Variants in ROBO1 observed in about 807,000 individuals in gnomAD.
The protein encoded by ROBO1 is roundabout homolog 1.
In ROBO1, 149 loss-of-function variants were observed where a neutral mutation model predicts 195.9. That is an observed-to-expected ratio of 0.76 (90% confidence interval 0.67 to 0.87). The LOEUF is 0.87. Ranked by LOEUF, ROBO1 falls within the 40% of genes least tolerant of loss-of-function variation. ROBO1 has a pLI of 0.00. For missense variants in ROBO1, 1,933 were observed against 2,068.3 expected (o/e 0.93, Z 1.27); for synonymous variants, 816 against 733.2 (o/e 1.11, Z -1.82).
At chr3:79,397,173 G>A (rs1163593413) in intron 2 of ROBO1, among the ~76,000 whole-genome samples, 1 of 151,300 alleles carries the variant, frequency 6.6e-6, no homozygotes, top group East Asian at 1.9e-4. Flanking sequence ...ACTTTAAAAA[G>A]TGTTTTGGAA....
chr3:79,620,158 C>T (rs539361242), intron 1 of ROBO1, among the ~76,000 whole-genome samples: 21 of 152,308 alleles, frequency 1.4e-4, no homozygotes, highest in African/African-American at 3.6e-4. Context: ...AGCTGTGTCC[C>T]GTCTGTGCGG....
At chr3:79,584,895 C>A (rs184164580) in intron 2 of ROBO1, among the ~76,000 whole-genome samples, 1 of 151,736 alleles carries the variant, frequency 6.6e-6, no homozygotes, top group East Asian at 2.0e-4. Context: ...AGAACACCCA[C>A]CTGACAGCTT....
intron 5 of ROBO1, among the ~76,000 whole-genome samples, chr3:78,745,029 G>C (rs1005234286): frequency 2.6e-4 from 40 of 152,112 alleles, no homozygotes; most frequent in Non-Finnish European, 4.9e-4. Context: ...AATTTTGTTG[G>C]CCGGGCGTGG....
chr3:78,913,098 C>T (rs1000087559), intron 4 of ROBO1, among the ~76,000 whole-genome samples: 1 of 152,080 alleles, frequency 6.6e-6, no homozygotes. Flanking sequence ...TATATCAGTT[C>T]TTTGACTAAC....
chr3:79,289,001 C>T (rs1245870061), intron 2 of ROBO1, among the ~76,000 whole-genome samples: 1 of 151,860 alleles, frequency 6.6e-6, no homozygotes, highest in Admixed American at 6.6e-5. Context: ...AACAACATGT[C>T]TTTCAATGAA....
intron 2 of ROBO1, among the ~76,000 whole-genome samples, chr3:79,529,441 C>T (rs1169392490): frequency 2.0e-5 from 3 of 152,194 alleles, no homozygotes; most frequent in Non-Finnish European, 2.9e-5. Context: ...CGTGCCACTG[C>T]ACTCCAGCCT....
intron 3 of ROBO1, among the ~76,000 whole-genome samples, chr3:79,050,174 G>A (rs9828516): frequency 0.024 from 3,717 of 152,138 alleles, 160 homozygotes; most frequent in African/African-American, 0.085. Flanking sequence ...AACACACATA[G>A]GCTCAAAATA....
At chr3:79,191,698 G>A (rs2108756629) in intron 2 of ROBO1, among the ~76,000 whole-genome samples, 1 of 151,354 alleles carries the variant, frequency 6.6e-6, no homozygotes, top group African/African-American at 2.4e-5. Context: ...CCATCTCCAG[G>A]GAGGAATCTG....
chr3:79,551,176 C>CT (rs200677361), intron 2 of ROBO1, among the ~76,000 whole-genome samples: 6 of 151,200 alleles, frequency 4.0e-5, no homozygotes, highest in African/African-American at 7.3e-5. Context: ...TTTCTTTCAA[C>CT]TTTTTTTTAA....
chr3:79,754,313 G>A lies in ROBO1; in HGVS notation c.-51+13439C>T, dbSNP rs538227421. On this transcript the variant is annotated intron_variant, in intron 1 of 30. Transcript: ENST00000464233. ...GAGAGAGAACCCCACTGAAGCTGTG[G>A]GACTGGTCTATGCTGTAACCTGAGG... 5.9e-5 allele frequency among the ~76,000 whole-genome samples: 9 copies of A among 152,238 alleles called. No homozygotes were observed. In the South Asian group the frequency reaches 1.9e-3, roughly 32 times the overall value.
At chr3:78,734,923 A>G (rs1283773877) in intron 5 of ROBO1, among the ~76,000 whole-genome samples, 2 of 152,188 alleles carry the variant, frequency 1.3e-5, no homozygotes, top group African/African-American at 4.8e-5. Context: ...CAGTTTACGT[A>G]AAGATATAAG....
At chr3:79,112,729 G>A (rs922479400) in intron 3 of ROBO1, among the ~76,000 whole-genome samples, 7 of 151,028 alleles carry the variant, frequency 4.6e-5, no homozygotes, top group Non-Finnish European at 8.8e-5. Flanking sequence ...GACATAGGAA[G>A]GGGAACATCA....
chr3:79,562,320 A>G (rs1942949153), intron 2 of ROBO1, among the ~76,000 whole-genome samples: 1 of 152,128 alleles, frequency 6.6e-6, no homozygotes, highest in South Asian at 2.1e-4. Context: ...ATGAAATAGT[A>G]AAATAGTAAA....
intron 2 of ROBO1, among the ~76,000 whole-genome samples, chr3:79,231,178 G>A (rs960240731): frequency 5.3e-5 from 8 of 152,016 alleles, no homozygotes; most frequent in African/African-American, 1.9e-4. Flanking sequence ...TCATGATGAA[G>A]ACACCAAAAG....
At chr3:78,685,259 G>C (rs1224252728) in intron 10 of ROBO1, among the ~76,000 whole-genome samples, 1 of 151,982 alleles carries the variant, frequency 6.6e-6, no homozygotes, top group African/African-American at 2.4e-5. Flanking sequence ...GTTCAGCACT[G>C]TGTCCTTACA....
intron 4 of ROBO1, among the ~76,000 whole-genome samples, chr3:78,930,242 A>G (rs1415425482): frequency 2.0e-5 from 3 of 152,200 alleles, no homozygotes; most frequent in Non-Finnish European, 4.4e-5. Flanking sequence ...TCACACAGGA[A>G]GTAAAATATT....
At chr3:79,674,809 GATCA>G (rs1946732907) in intron 1 of ROBO1, among the ~76,000 whole-genome samples, 1 of 149,162 alleles carries the variant, frequency 6.7e-6, no homozygotes, top group Admixed American at 6.8e-5. Flanking sequence ...TCTGGTAATA[GATCA>G]ATCTATTTAT....
intron 1 of ROBO1, among the ~76,000 whole-genome samples, chr3:79,641,378 C>A (rs925687591): frequency 2.0e-5 from 3 of 151,938 alleles, no homozygotes; most frequent in Admixed American, 2.0e-4. Context: ...AATATATAGA[C>A]TTTTTCACAT....
At position 78,981,479 on chromosome 3, in the gene ROBO1, T is replaced by C. The variant is rs181536951; in HGVS notation, c.173-42552A>G. On this transcript the variant is annotated intron_variant, in intron 3 of 30. Coordinates refer to ENST00000464233, the MANE Select transcript of ROBO1 (RefSeq NM_002941.4). The stretch of plus-strand genomic sequence containing the variant: ...TGTGGTAAAAAACATAATATGAAAT[T>C]TACCATCTTCATCATTTTTAAATAG... 6.1e-4 allele frequency among the ~76,000 whole-genome samples: 93 copies of C among 152,176 alleles called. 1 individual carries two copies. The highest frequency in any genetic ancestry group is 1.2e-3 in the Non-Finnish European group (81 of 67,996).
Sources: allele counts gnomAD v4.1 joint callset (sites outside exome capture counted in the v4.1 genomes callset), GRCh38; gene constraint gnomAD v4.1.1; transcripts MANE v1.5; gene names NCBI Gene and HGNC (gene_info 2026-07-23, HGNC 2026-07-21).